The following PCBD2 variants were observed in gnomAD, a reference collection of about 807,000 sequenced individuals.
PCBD2 encodes the protein pterin-4-alpha-carbinolamine dehydratase 2.
Under a neutral mutation model 16.4 loss-of-function variants are expected in PCBD2, and 12 were observed. The ratio of observed to expected loss-of-function variants is 0.73; its 90% CI spans 0.47 to 1.19. The LOEUF (loss-of-function observed/expected upper bound fraction) is 1.19. Ranked by LOEUF, PCBD2 falls within the 50% of genes most tolerant of loss-of-function variation. PCBD2 has a pLI of 0.00. For synonymous variants in PCBD2, 58 were observed against 61.8 expected (o/e 0.94, Z 0.29); for missense variants, 138 against 156.8 (o/e 0.88, Z 0.64).
intron 2 of PCBD2, among the ~76,000 whole-genome samples, chr5:134,928,722 C>T (rs1751053403): frequency 6.6e-6 from 1 of 152,130 alleles, no homozygotes. Context: ...GTAGTCCCAG[C>T]TACTTGGGAG....
rs557246634 is a variant in PCBD2, at chr5:134,934,989, A to AT, written c.217-24049dup. 2.6e-4 allele frequency among the ~76,000 whole-genome samples: 39 copies of AT among 152,294 alleles called. No individual in the cohort carries two copies. In the Middle Eastern group the frequency reaches 0.01, roughly 40 times the overall value. On this transcript the variant is annotated intron_variant, in intron 2 of 3. Coordinates refer to ENST00000254908, the MANE Select transcript of PCBD2 (RefSeq NM_032151.5). ...TATTTTAAAAGTTAAAAATCACTCC[A>AT]TTGTTAAGTTTTATAGCACTCCTAG...
chr5:134,946,183 G>C (rs1473292799), intron 2 of PCBD2, among the ~76,000 whole-genome samples: 2 of 151,708 alleles, frequency 1.3e-5, no homozygotes, highest in Non-Finnish European at 2.9e-5. Context: ...TATAGGTTGG[G>C]TAGGCTTAAG....
intron 2 of PCBD2, among the ~76,000 whole-genome samples, chr5:134,910,978 G>A: frequency 6.6e-6 from 1 of 152,114 alleles, no homozygotes. Context: ...TGGAGAGGCA[G>A]GGTCTGGCTA....
intron 1 of PCBD2, among the ~76,000 whole-genome samples, chr5:134,908,296 G>A (rs1409112528): frequency 6.7e-6 from 1 of 149,772 alleles, no homozygotes; most frequent in African/African-American, 2.5e-5. Context: ...TGGGATTACA[G>A]GCGTGTGCCA....
chr5:134,948,968 A>G (rs958977075), intron 2 of PCBD2, among the ~76,000 whole-genome samples: 3 of 152,026 alleles, frequency 2.0e-5, no homozygotes, highest in African/African-American at 7.2e-5. Context: ...TCATAGTTGG[A>G]TATTCTTGGC....
intron 2 of PCBD2, chr5:134,925,727 C>T (rs1750983377): frequency 2.5e-6 from 1 of 396,496 alleles, no homozygotes; most frequent in Admixed American, 4.4e-5. Flanking sequence ...TGGAGTAGGG[C>T]TGAGACAGGG....
chr5:134,909,981 G>T (rs920860481), intron 1 of PCBD2, among the ~76,000 whole-genome samples: 1 of 152,128 alleles, frequency 6.6e-6, no homozygotes, highest in Non-Finnish European at 1.5e-5. Context: ...GAGGTGGGAG[G>T]ATCATTTGAG....
At chr5:134,927,880 A>G in intron 2 of PCBD2, 1 of 396,776 alleles carries the variant, frequency 2.5e-6, no homozygotes, top group Non-Finnish European at 4.4e-6. Flanking sequence ...AAGGATAAGG[A>G]GCAGCTAAAT....
At chr5:134,936,538 T>C (rs1005289943) in intron 2 of PCBD2, among the ~76,000 whole-genome samples, 1 of 152,244 alleles carries the variant, frequency 6.6e-6, no homozygotes, top group Non-Finnish European at 1.5e-5. Context: ...TTTCCAGACA[T>C]GTTAAAGGTT....
At chr5:134,919,477 G>A (rs2149531687) in intron 2 of PCBD2, among the ~76,000 whole-genome samples, 1 of 152,296 alleles carries the variant, frequency 6.6e-6, no homozygotes, top group Non-Finnish European at 1.5e-5. Context: ...GAAATGCAGT[G>A]ACATAAATTT....
intron 2 of PCBD2, among the ~76,000 whole-genome samples, chr5:134,922,937 A>G (rs911910916): frequency 3.3e-5 from 5 of 151,986 alleles, no homozygotes; most frequent in African/African-American, 4.8e-5. Flanking sequence ...CCGCCTCCCA[A>G]AGTGCTGGGA....
rs191793993 is a variant in PCBD2, at chr5:134,921,405, C to G, written c.216+10939C>G. 9.2e-5 allele frequency among the ~76,000 whole-genome samples: 14 copies of G among 152,082 alleles called. No homozygotes were observed. The East Asian group carries it at 2.7e-3, about 29-fold the overall frequency. On this transcript the variant is annotated intron_variant, in intron 2 of 3. Transcript: ENST00000254908. ...GAGTTTTGAGTTGGTTCTTGAAGAT[C>G]TGGTATGTGGTTGTAAGGGAAGGCA...
chr5:134,922,478 C>T (rs968749026), intron 2 of PCBD2, among the ~76,000 whole-genome samples: 3 of 152,124 alleles, frequency 2.0e-5, no homozygotes, highest in African/African-American at 7.2e-5. Flanking sequence ...ATGCACTTAA[C>T]AATAAACAGT....
chr5:134,906,761 A>T (rs1750695995), intron 1 of PCBD2, among the ~76,000 whole-genome samples: 1 of 152,190 alleles, frequency 6.6e-6, no homozygotes, highest in Admixed American at 6.5e-5. Context: ...TAGATATTAT[A>T]ATATCCCCAC....
At chr5:134,959,883 C>CTTTTTTTTTTTT (rs776164485) in intron 3 of PCBD2, among the ~76,000 whole-genome samples, 10 of 73,026 alleles carry the variant, frequency 1.4e-4, no homozygotes, top group Non-Finnish European at 1.9e-4. Flanking sequence ...TAGAAATGTG[C>CTTTTTTTTTTTT]TTTTTTTTTT....
At chr5:134,926,620 C>A in intron 2 of PCBD2, 1 of 396,172 alleles carries the variant, frequency 2.5e-6, no homozygotes, top group South Asian at 1.3e-4. Context: ...CCTCTGTTGT[C>A]AGATTCACAA....
chr5:134,905,387 G>C (rs772074493), intron 1 of PCBD2, 164 bp downstream of exon 1: 7 of 517,290 alleles, frequency 1.4e-5, no homozygotes, highest in Non-Finnish European at 2.0e-5. Flanking sequence ...CCACCTGTCC[G>C]GTGCGCCGCT....
At chr5:134,949,195 A>G (rs1019789213) in intron 2 of PCBD2, among the ~76,000 whole-genome samples, 20 of 152,094 alleles carry the variant, frequency 1.3e-4, no homozygotes, top group African/African-American at 4.6e-4. Flanking sequence ...CCGCAAGGAA[A>G]TCTTCCCGTG....
chr5:134,937,460 G>T (rs1056429804), intron 2 of PCBD2, among the ~76,000 whole-genome samples: 1 of 152,166 alleles, frequency 6.6e-6, no homozygotes, highest in African/African-American at 2.4e-5. Flanking sequence ...TTAAGAATAG[G>T]TTCTGCTGGT....
Sources: gnomAD v4.1 joint callset for allele counts (sites outside exome capture counted in the v4.1 genomes callset) on GRCh38, gnomAD v4.1.1 for gene constraint, MANE v1.5 for transcripts, NCBI Gene and HGNC (gene_info 2026-07-23, HGNC 2026-07-21) for gene names.